PAK5: variants seen among roughly 807,000 people sequenced by gnomAD.
The protein encoded by PAK5 is p21 (RAC1) activated kinase 5, also known as serine/threonine-protein kinase PAK 5.
Under a neutral mutation model 65.9 loss-of-function variants are expected in PAK5, and 16 were observed. The observed-to-expected ratio is 0.24, with a 90% CI of 0.16 to 0.37. PAK5 has a LOEUF of 0.37. Ranked by LOEUF, PAK5 falls within the 10% of genes least tolerant of loss-of-function variation. The pLI is 1.00. For synonymous variants in PAK5, 371 were observed against 354.9 expected, an observed-to-expected ratio of 1.05 and a Z score of -0.51; for missense variants, 785 against 903.9, an observed-to-expected ratio of 0.87 and a Z score of 1.69.
chr20:9,834,532 T>C (rs535870950), intron 1 of PAK5, among the ~76,000 whole-genome samples: 54 of 152,302 alleles, frequency 3.5e-4, no homozygotes, highest in African/African-American at 1.1e-3. Context: ...CACCTAGATA[T>C]GGTGAGAAAG....
At chr20:9,647,056 G>A (rs2047144107) in intron 2 of PAK5, among the ~76,000 whole-genome samples, 2 of 152,184 alleles carry the variant, frequency 1.3e-5, no homozygotes, top group African/African-American at 4.8e-5. Flanking sequence ...CAAAAACCCT[G>A]ATTATCATCC....
At chr20:9,810,298 C>T (rs1020788156) in intron 1 of PAK5, among the ~76,000 whole-genome samples, 8 of 152,160 alleles carry the variant, frequency 5.3e-5, no homozygotes, top group African/African-American at 9.7e-5. Context: ...AACAGCCAGC[C>T]GTTGTGGCTC....
chr20:9,547,974 A>G (rs1332258307), intron 7 of PAK5, among the ~76,000 whole-genome samples: 1 of 152,192 alleles, frequency 6.6e-6, no homozygotes, highest in Non-Finnish European at 1.5e-5. Context: ...GTTTGCACAG[A>G]GTCTAATCTC....
intron 1 of PAK5, among the ~76,000 whole-genome samples, chr20:9,769,296 A>T (rs2048807338): frequency 6.6e-6 from 1 of 152,230 alleles, no homozygotes; most frequent in African/African-American, 2.4e-5. Context: ...CCTAATCAGT[A>T]TAGCGAATAT....
chr20:9,826,067 G>T (rs912576927), intron 1 of PAK5, among the ~76,000 whole-genome samples: 4 of 152,186 alleles, frequency 2.6e-5, no homozygotes, highest in African/African-American at 4.8e-5. Context: ...CCATGTTAAA[G>T]GCAGCTGTTA....
chr20:9,742,934 C>T (rs1347577492), intron 1 of PAK5, among the ~76,000 whole-genome samples: 2 of 152,174 alleles, frequency 1.3e-5, no homozygotes, highest in Non-Finnish European at 2.9e-5. Context: ...GGACGATAAC[C>T]CAGAAACTTC....
intron 1 of PAK5, among the ~76,000 whole-genome samples, chr20:9,713,980 T>C (rs548235509): frequency 2.6e-5 from 4 of 152,230 alleles, no homozygotes; most frequent in South Asian, 4.1e-4. Flanking sequence ...TAATTTACTG[T>C]ATATTTCAAA....
At chr20:9,620,447 C>T (rs2123182959) in intron 3 of PAK5, among the ~76,000 whole-genome samples, 1 of 152,304 alleles carries the variant, frequency 6.6e-6, no homozygotes, top group South Asian at 2.1e-4. Flanking sequence ...CCAGGGTGTC[C>T]ACTTCTTTTG....
chr20:9,546,181 AT>A (rs1230028285), intron 7 of PAK5, among the ~76,000 whole-genome samples: 1 of 152,206 alleles, frequency 6.6e-6, no homozygotes, highest in Non-Finnish European at 1.5e-5. Context: ...AGCTGAAAGA[AT>A]TATAGAGTGA....
intron 1 of PAK5, among the ~76,000 whole-genome samples, chr20:9,734,098 G>T (rs1037110787): frequency 6.6e-6 from 1 of 152,134 alleles, no homozygotes; most frequent in Admixed American, 6.6e-5. Context: ...ATTTCCTGTG[G>T]TAATAGGTGA....
At chr20:9,633,579 G>A (rs1236586962) in intron 3 of PAK5, among the ~76,000 whole-genome samples, 1 of 152,174 alleles carries the variant, frequency 6.6e-6, no homozygotes, top group African/African-American at 2.4e-5. Context: ...CTTGATTTTG[G>A]TCAGGCCTGT....
At chr20:9,766,784 C>T (rs1041833446) in intron 1 of PAK5, among the ~76,000 whole-genome samples, 6 of 151,820 alleles carry the variant, frequency 4.0e-5, no homozygotes, top group African/African-American at 1.2e-4. Context: ...TGAAAAGGGG[C>T]ATATGGGAGA....
intron 2 of PAK5, among the ~76,000 whole-genome samples, chr20:9,671,135 G>C (rs1248438660): frequency 1.3e-5 from 2 of 152,016 alleles, no homozygotes; most frequent in African/African-American, 4.8e-5. Context: ...TGGTCTATAT[G>C]TCTGTTTTGG....
At chr20:9,595,271 C>A (rs2046243507) in intron 3 of PAK5, among the ~76,000 whole-genome samples, 1 of 152,136 alleles carries the variant, frequency 6.6e-6, no homozygotes, top group African/African-American at 2.4e-5. Flanking sequence ...AAGGGCACCT[C>A]TGGACATTAT....
At chr20:9,699,241 A>G (rs2047907613) in intron 2 of PAK5, among the ~76,000 whole-genome samples, 1 of 152,080 alleles carries the variant, frequency 6.6e-6, no homozygotes, top group South Asian at 2.1e-4. Flanking sequence ...GGGCTCAGTG[A>G]ATGTTTCCCC....
At chr20:9,635,585 C>G (rs1478308761) in intron 3 of PAK5, among the ~76,000 whole-genome samples, 1 of 152,166 alleles carries the variant, frequency 6.6e-6, no homozygotes, top group East Asian at 1.9e-4. Context: ...TTGAATATAT[C>G]CCTTTCCAAG....
At chr20:9,815,321 G>A (rs1485469276) in intron 1 of PAK5, among the ~76,000 whole-genome samples, 1 of 152,138 alleles carries the variant, frequency 6.6e-6, no homozygotes, top group East Asian at 1.9e-4. Context: ...ATATGAATAT[G>A]AATGCCTGCC....
chr20:9,698,470 C>T (rs1489494254), intron 2 of PAK5, among the ~76,000 whole-genome samples: 8 of 152,114 alleles, frequency 5.3e-5, no homozygotes, highest in Non-Finnish European at 1.2e-4. Context: ...TACTTATATC[C>T]ATTTCCCAAT....
intron 2 of PAK5, among the ~76,000 whole-genome samples, chr20:9,700,725 A>T (rs1297425211): frequency 1.3e-5 from 2 of 152,160 alleles, no homozygotes; most frequent in Non-Finnish European, 2.9e-5. Context: ...CCTTGACACA[A>T]AATAATCCAA....
Sources: gnomAD v4.1 joint callset for allele counts (sites outside exome capture counted in the v4.1 genomes callset) on GRCh38, gnomAD v4.1.1 for gene constraint, MANE v1.5 for transcripts, NCBI Gene and HGNC (gene_info 2026-07-23, HGNC 2026-07-21) for gene names.